Variants in ORC3 observed in about 807,000 individuals in gnomAD.
ORC3 encodes homolog of latheo, Drosophila.
Under a neutral mutation model 100.7 loss-of-function variants are expected in ORC3, and 78 were observed. The ratio of observed to expected loss-of-function variants is 0.77; its 90% confidence interval spans 0.65 to 0.94. The LOEUF (loss-of-function observed/expected upper bound fraction) is 0.94, where lower values mean the gene tolerates loss of function less well. Among genes scored for constraint, ORC3 ranks in the 40% least tolerant of loss-of-function variants. ORC3 has a pLI of 0.00. For synonymous variants in ORC3, 295 were observed against 289.3 expected (o/e 1.02, Z -0.20); for missense variants, 789 against 823.9 (o/e 0.96, Z 0.52).
Position 87,626,322 on chromosome 6 carries a change from G to A in ORC3, c.1185+4309G>A, listed in dbSNP as rs536652505. ...ATTGATTCTTCCTATCCATGAGCAT[G>A]GAATGTTTTTCCATTTGTTTGTGTC... is the stretch of plus-strand genomic sequence containing the variant. On this transcript the variant is annotated intron_variant, in intron 11 of 19. Transcript: ENST00000392844. Among the ~76,000 whole-genome samples, 14 of 152,278 alleles carry A rather than the reference G, an allele frequency of 9.2e-5. 1 individual carries two copies. The South Asian group carries it at 2.9e-3, about 32-fold the overall frequency.
In ORC3 at chr6:87,621,339, T is replaced by A. The variant is rs1257298811; in HGVS notation, c.988-15T>A. 2 of 1,495,460 alleles carry A rather than the reference T, an allele frequency of 1.3e-6. No homozygotes were observed. The highest frequency in any genetic ancestry group is 4.9e-5 in the Admixed American group (2 of 40,422). 92.6% of individuals were successfully genotyped at this position (1,495,460 alleles called of 1,614,324 possible). ...AAAATATAACAAATATGTTTAATCT[T>A]CACATGTCTTTCAGCTTTCTCTATT... On this transcript the variant is annotated splice_polypyrimidine_tract_variant and intron_variant, in intron 9 of 19. Transcript: ENST00000392844.
chr6:87,602,978 T>TATATATATAG (rs1778072166), intron 3 of ORC3, among the ~76,000 whole-genome samples: 1 of 135,580 alleles, frequency 7.4e-6, no homozygotes, highest in Non-Finnish European at 1.5e-5. Context: ...TATACATATA[T>TATATATATAG]ATATACAATT....
At chr6:87,621,525 A>C (rs746059847) in intron 10 of ORC3, 38 bp downstream of exon 10, 3 of 1,421,880 alleles carry the variant, frequency 2.1e-6, no homozygotes, top group Non-Finnish European at 2.8e-6. Flanking sequence ...ATACTATACT[A>C]GAATTTGGTA....
chr6:87,611,692 GAA>G (rs1232886604), intron 7 of ORC3, among the ~76,000 whole-genome samples: 3 of 151,810 alleles, frequency 2.0e-5, no homozygotes, highest in African/African-American at 7.3e-5. Context: ...TGAGGCAGGA[GAA>G]TCGCTTGAAC....
chr6:87,668,310 C>T (rs79409017), downstream of ORC3, among the ~76,000 whole-genome samples: 6,306 of 152,220 alleles, frequency 0.041, 185 homozygotes, highest in Non-Finnish European at 0.065. Flanking sequence ...TGTGTGTGCT[C>T]ACAGGCTTTG....
chr6:87,637,748 G>A (rs1474204320), intron 13 of ORC3, among the ~76,000 whole-genome samples: 1 of 152,126 alleles, frequency 6.6e-6, no homozygotes, highest in African/African-American at 2.4e-5. Context: ...TTGTCTTAGG[G>A]TACAGTCAAG....
At chr6:87,596,878 T>G (rs1257004692) in intron 2 of ORC3, among the ~76,000 whole-genome samples, 1 of 152,196 alleles carries the variant, frequency 6.6e-6, no homozygotes, top group Non-Finnish European at 1.5e-5. Flanking sequence ...GATGCACATA[T>G]AATTACAGGT....
At position 87,601,862 on chromosome 6, in the gene ORC3, A is replaced by G. The variant is rs1315053569; in HGVS notation, c.158A>G (p.Gln53Arg). The G allele has an allele frequency of 6.2e-7, 1 of 1,603,406 alleles. No homozygotes were observed. Among genetic ancestry groups the G allele is most frequent in the Non-Finnish European group, 8.5e-7 (1 of 1,170,162 alleles). Residue 53 changes from glutamine (Q) to arginine (R), a missense_variant, in exon 3 of 20, where the codon CAG becomes CGG. Gln to Arg is a conservative substitution (Grantham distance 43). This residue lies in a region of ORC3 where 399 missense variants were observed against 382.0 expected (regional missense o/e 1.04). Coordinates refer to ENST00000392844, the MANE Select transcript of ORC3 (RefSeq NM_012381.4). The stretch of plus-strand genomic sequence containing the variant: ...GAAACTTATCAGTTGATATGGCAGC[A>G]GATGAAATCTGAAAATGAGGTGAAT... ...RFETYQLIWQ[Q>R]MKSENERLQE...
intron 2 of ORC3, among the ~76,000 whole-genome samples, chr6:87,597,678 TATACACACACAC>T (rs1777555525): frequency 7.3e-6 from 1 of 136,666 alleles, no homozygotes; most frequent in East Asian, 2.1e-4. Flanking sequence ...GATATATATA[TATACACACACAC>T]ACACACACAC....
intron 16 of ORC3, among the ~76,000 whole-genome samples, chr6:87,659,765 C>G (rs1390229017): frequency 1.2e-4 from 18 of 151,968 alleles, no homozygotes; most frequent in Non-Finnish European, 1.5e-5. Flanking sequence ...ACCTGTAATC[C>G]TAGCTACTTG....
chr6:87,602,911 AT>A (rs55825048), intron 3 of ORC3, among the ~76,000 whole-genome samples: 8,093 of 63,466 alleles, frequency 0.13, 485 homozygotes, highest in African/African-American at 0.27. Context: ...TATATTATAT[AT>A]TATATATATA....
intron 2 of ORC3, 48 bp from the exon 3 acceptor site, chr6:87,601,736 A>C (rs1174667743): frequency 9.3e-7 from 1 of 1,078,268 alleles, no homozygotes; most frequent in East Asian, 2.4e-5. Context: ...TCTATAACTT[A>C]TACTATTATA....
chr6:87,663,319 A>G (rs1770351800), intron 17 of ORC3, among the ~76,000 whole-genome samples, 175 bp downstream of exon 17: 1 of 152,254 alleles, frequency 6.6e-6, no homozygotes, highest in Admixed American at 6.5e-5. Context: ...TTCTAACCCC[A>G]TAAAGATAGC....
At chr6:87,627,755 G>T (rs1394257738) in intron 11 of ORC3, among the ~76,000 whole-genome samples, 2 of 151,964 alleles carry the variant, frequency 1.3e-5, no homozygotes, top group African/African-American at 4.8e-5. Flanking sequence ...CTATATTCAA[G>T]TGTCTAAGAG....
intron 2 of ORC3, among the ~76,000 whole-genome samples, chr6:87,595,785 A>G (rs1777388318): frequency 6.6e-6 from 1 of 151,846 alleles, no homozygotes; most frequent in Non-Finnish European, 1.5e-5. Context: ...ATACTCACAC[A>G]CTCATATACC....
chr6:87,592,860 G>A (rs542203633), intron 1 of ORC3, among the ~76,000 whole-genome samples: 14 of 152,266 alleles, frequency 9.2e-5, no homozygotes, highest in African/African-American at 2.9e-4. Flanking sequence ...TTGGGAGGCC[G>A]AGGCGGATGG....
intron 2 of ORC3, chr6:87,595,323 A>T (rs1029114403): frequency 6.6e-6 from 1 of 152,184 alleles, no homozygotes; most frequent in Non-Finnish European, 1.5e-5. Context: ...GAGCAACTAT[A>T]CTCACTTATC....
chr6:87,608,475 A>C (rs1778506511), intron 6 of ORC3, among the ~76,000 whole-genome samples: 1 of 152,162 alleles, frequency 6.6e-6, no homozygotes, highest in African/African-American at 2.4e-5. Flanking sequence ...CTGTGGTTAC[A>C]TTTTCCAATC....
At chr6:87,655,353 A>ATTT (rs34459713) in intron 14 of ORC3, among the ~76,000 whole-genome samples, 16 of 137,514 alleles carry the variant, frequency 1.2e-4, no homozygotes, top group African/African-American at 3.2e-4. Flanking sequence ...ATCCAGCTGA[A>ATTT]TTTTTTTTTT....
Sources: allele counts gnomAD v4.1 joint callset (sites outside exome capture counted in the v4.1 genomes callset), GRCh38; gene constraint gnomAD v4.1.1; regional missense constraint gnomAD v4.1.1; transcripts MANE v1.5; gene names NCBI Gene and HGNC (gene_info 2026-07-23, HGNC 2026-07-21).